The following TMEM38B variants were observed in gnomAD, a reference collection of about 807,000 sequenced individuals.
TMEM38B encodes the protein trimeric intracellular cation channel type B.
Under a neutral mutation model 28.7 loss-of-function variants are expected in TMEM38B, and 24 were observed. That is an observed-to-expected ratio of 0.84 (90% confidence interval 0.61 to 1.18). The LOEUF (loss-of-function observed/expected upper bound fraction) is 1.18. TMEM38B is among the 50% of genes most tolerant of loss of function. TMEM38B has a pLI of 0.00. For missense variants in TMEM38B, 380 were observed against 350.9 expected (o/e 1.08, Z -0.66); for synonymous variants, 131 against 127.7 (o/e 1.03, Z -0.17).
intron 5 of TMEM38B, chr9:105,758,967 C>G: frequency 7.5e-7 from 1 of 1,324,940 alleles, no homozygotes; most frequent in East Asian, 2.3e-5. Context: ...AAATCCAAAA[C>G]AAGTAATTCC....
chr9:105,718,839 T>C (rs536310474), intron 2 of TMEM38B, among the ~76,000 whole-genome samples: 3 of 152,298 alleles, frequency 2.0e-5, no homozygotes, highest in South Asian at 4.2e-4. Flanking sequence ...GGCACATTTG[T>C]GTAACCGAGA....
Position 105,694,772 on chromosome 9 carries a change from G to C in TMEM38B, c.112G>C (p.Gly38Arg). The part of the protein sequence containing the change: ...VSVMAVKRQP[G>R]AAALAWKNPI... ...AGTGATGGCGGTGAAACGTCAGCCG[G>C]GTGAGTGCGGGGCGCCGCGGGCCGG... is the stretch of plus-strand genomic sequence containing the variant. Residue 38 changes from glycine to arginine, a missense_variant and splice_region_variant, in exon 1 of 6, where the codon GGA becomes CGA. By Grantham distance (125) the Gly-to-Arg change is moderately radical (BLOSUM62 -2). Transcript: ENST00000374692. 4 of 1,611,224 alleles carry C rather than the reference G, an allele frequency of 2.5e-6. No individual in the cohort carries two copies. The highest frequency in any genetic ancestry group is 3.4e-6 in the Non-Finnish European group (4 of 1,178,744).
chr9:105,726,012 G>A (rs762585616), intron 4 of TMEM38B, among the ~76,000 whole-genome samples: 5 of 151,346 alleles, frequency 3.3e-5, no homozygotes, highest in Admixed American at 6.6e-5. Context: ...AGTATTATGG[G>A]TACATAATAG....
intron 5 of TMEM38B, among the ~76,000 whole-genome samples, chr9:105,772,642 C>T (rs1329602972): frequency 6.6e-6 from 1 of 151,916 alleles, no homozygotes; most frequent in East Asian, 1.9e-4. Flanking sequence ...GGCCTGAAGT[C>T]CATGGGCATG....
rs186395143 is a variant in TMEM38B at position 105,712,798 on chromosome 9, C to T, written c.269+7045C>T. Among the ~76,000 whole-genome samples, 854 of 152,324 alleles carry T rather than the reference C, an allele frequency of 5.6e-3. 5 individuals carry two copies. Among genetic ancestry groups the T allele is most frequent in the Middle Eastern group, 0.014 (4 of 294 alleles). ...CTTCAGGGAGGGCACAGGGAGAAGGCGGACAGCCCCACACCCCCCACAGCC... is the reference window on the plus strand; with the variant it reads ...CTTCAGGGAGGGCACAGGGAGAAGGTGGACAGCCCCACACCCCCCACAGCC... On this transcript the variant is annotated intron_variant, in intron 2 of 5. Coordinates refer to ENST00000374692, the MANE Select transcript of TMEM38B (RefSeq NM_018112.3).
intron 5 of TMEM38B, among the ~76,000 whole-genome samples, chr9:105,771,790 C>T (rs1186301272): frequency 2.0e-5 from 3 of 152,130 alleles, no homozygotes; most frequent in Admixed American, 1.3e-4. Context: ...ATTTACCTTT[C>T]GCTTGTATGA....
In TMEM38B at chr9:105,724,166, G is replaced by A. The variant is rs187296004; in HGVS notation, c.542+1545G>A. On this transcript the variant is annotated intron_variant, in intron 4 of 5. Coordinates refer to ENST00000374692, the MANE Select transcript of TMEM38B (RefSeq NM_018112.3). ...TCAGTCTTAAATAAGTCACAGATAC[G>A]TTTCTCATGTACCTAAAAATGAGGT... 3.8e-4 allele frequency among the ~76,000 whole-genome samples: 58 copies of A among 152,216 alleles called. No homozygotes were observed. The East Asian group carries it at 8.7e-3, about 23-fold the overall frequency.
At chr9:105,737,959 T>G (rs1837047683) in intron 4 of TMEM38B, among the ~76,000 whole-genome samples, 1 of 152,094 alleles carries the variant, frequency 6.6e-6, no homozygotes, top group South Asian at 2.1e-4. Context: ...GGTAGGGCAT[T>G]GTAGCAGGTA....
rs1486216290 is a variant in TMEM38B, at chr9:105,774,797, C to CA, written c.*724dup. The CA allele has an allele frequency of 2.0e-5, 3 of 151,570 alleles. No homozygotes were observed. Among genetic ancestry groups the CA allele is most frequent in the African/African-American group, 4.8e-5 (2 of 41,348 alleles). The allele number at this position is 151,570 out of a possible 1,614,324, so 9.4% of individuals were successfully genotyped here. A position where few individuals can be genotyped will look rare whatever the true frequency, so the allele number is the denominator to read the frequency against. ...TTAAAAAAACTACTTTTTTTGGCCT[C>CA]AAAAAAATCAAGGGTGTAATTTTTA... On this transcript the variant is annotated 3_prime_UTR_variant, in exon 6 of 6. Coordinates refer to ENST00000374692, the MANE Select transcript of TMEM38B (RefSeq NM_018112.3).
intron 1 of TMEM38B, among the ~76,000 whole-genome samples, chr9:105,697,129 C>T (rs1835315849): frequency 6.6e-6 from 1 of 152,200 alleles, no homozygotes; most frequent in African/African-American, 2.4e-5. Context: ...TTTGGACAGA[C>T]ACATACAGTC....
chr9:105,748,211 T>C, intron 5 of TMEM38B, 21 bp downstream of exon 5: 1 of 1,532,800 alleles, frequency 6.5e-7, no homozygotes, highest in Non-Finnish European at 9.0e-7. Context: ...AAAGTACCTA[T>C]AATTATTACA....
intron 5 of TMEM38B, among the ~76,000 whole-genome samples, chr9:105,756,694 A>G (rs1225777129): frequency 6.6e-6 from 1 of 152,160 alleles, no homozygotes; most frequent in East Asian, 1.9e-4. Context: ...CTTAAACACC[A>G]TACTGCAATG....
At chr9:105,759,143 A>G (rs1837942813) in intron 5 of TMEM38B, 2 of 774,670 alleles carry the variant, frequency 2.6e-6, no homozygotes, top group Non-Finnish European at 4.8e-6. Context: ...GATTTGAACA[A>G]GATATATTCA....
At chr9:105,736,033 C>CTAA (rs565110754) in intron 4 of TMEM38B, among the ~76,000 whole-genome samples, 18 of 150,066 alleles carry the variant, frequency 1.2e-4, no homozygotes, top group African/African-American at 4.2e-4. Context: ...CCATGCCTGA[C>CTAA]TAACTAAAAC....
In TMEM38B at chr9:105,774,153, A is replaced by C; in HGVS notation, c.*73A>C. On this transcript the variant is annotated 3_prime_UTR_variant, in exon 6 of 6. Coordinates refer to ENST00000374692, the MANE Select transcript of TMEM38B (RefSeq NM_018112.3). ...CCTGTTATATTGTGCTAATTTTTCT[A>C]TGTATGTGATGTGAAATGAAGACTA... 8.2e-7 allele frequency: 1 copy of C among 1,225,772 alleles called. No homozygotes were observed. The highest frequency in any genetic ancestry group is 1.2e-6 in the Non-Finnish European group (1 of 865,726). The allele number at this position is 1,225,772 out of a possible 1,614,324, so 75.9% of individuals were successfully genotyped here. A position where few individuals can be genotyped will look rare whatever the true frequency, so the allele number is the denominator to read the frequency against.
intron 5 of TMEM38B, among the ~76,000 whole-genome samples, chr9:105,768,833 G>T (rs1367111066): frequency 6.6e-6 from 1 of 152,096 alleles, no homozygotes; most frequent in Non-Finnish European, 1.5e-5. Context: ...CAGTTTCATG[G>T]ATTTGTTTCA....
chr9:105,742,684 C>T (rs1220701267), intron 4 of TMEM38B, among the ~76,000 whole-genome samples: 1 of 152,204 alleles, frequency 6.6e-6, no homozygotes, highest in Non-Finnish European at 1.5e-5. Flanking sequence ...GTTCCTTAGA[C>T]TCAACCCTTA....
At chr9:105,698,573 T>C (rs893201434) in intron 1 of TMEM38B, among the ~76,000 whole-genome samples, 5 of 152,160 alleles carry the variant, frequency 3.3e-5, no homozygotes, top group Admixed American at 2.0e-4. Flanking sequence ...CATCCTTATA[T>C]TCTTGGACTA....
chr9:105,753,695 C>G (rs1837736308), intron 5 of TMEM38B, among the ~76,000 whole-genome samples: 1 of 152,146 alleles, frequency 6.6e-6, no homozygotes, highest in South Asian at 2.1e-4. Context: ...AAAACCATTA[C>G]CAGCCATTAC....
Sources: allele counts gnomAD v4.1 joint callset (sites outside exome capture counted in the v4.1 genomes callset), GRCh38; gene constraint gnomAD v4.1.1; transcripts MANE v1.5; gene names NCBI Gene and HGNC (gene_info 2026-07-23, HGNC 2026-07-21).